ATRNL1: variants seen among roughly 807,000 people sequenced by gnomAD.
The protein encoded by ATRNL1 is attractin like 1, also known as attractin-like protein 1.
A neutral mutation model predicts 182.7 loss-of-function variants in ATRNL1; 95 were observed. The ratio of observed to expected loss-of-function variants is 0.52; its 90% CI spans 0.44 to 0.62. The LOEUF (loss-of-function observed/expected upper bound fraction) is 0.62, where lower values mean the gene tolerates loss of function less well. Ranked by LOEUF, ATRNL1 falls within the 20% of genes least tolerant of loss-of-function variation. The probability of loss-of-function intolerance (pLI) is 0.00; values close to 1 mark genes in which losing one functional copy is unlikely to be tolerated. For synonymous variants in ATRNL1, 576 were observed against 568.3 expected, an observed-to-expected ratio of 1.01 and a Z score of -0.19; for missense variants, 1,471 against 1,679.5, an observed-to-expected ratio of 0.88 and a Z score of 2.17.
At position 115,751,072 on chromosome 10, in the gene ATRNL1, A is replaced by G. The variant is rs187372584; in HGVS notation, c.3903+23717A>G. 1.6e-4 allele frequency among the ~76,000 whole-genome samples: 25 copies of G among 152,170 alleles called. No individual in the cohort carries two copies. The East Asian group carries it at 4.6e-3, about 28-fold the overall frequency. On this transcript the variant is annotated intron_variant, in intron 27 of 28. Coordinates refer to ENST00000355044, the MANE Select transcript of ATRNL1 (RefSeq NM_207303.4). Reference sequence around the variant, plus strand: ...TTATGAGAGATGAAGATTATCCTGGATTACTCAGATGGGCCCAAAGTAATC... The same window carrying G: ...TTATGAGAGATGAAGATTATCCTGGGTTACTCAGATGGGCCCAAAGTAATC...
At chr10:115,629,458 A>G (rs537022059) in intron 26 of ATRNL1, among the ~76,000 whole-genome samples, 2 of 152,290 alleles carry the variant, frequency 1.3e-5, no homozygotes, top group African/African-American at 4.8e-5. Context: ...AAGGATAGGT[A>G]TGCCTAAGTC....
intron 27 of ATRNL1, among the ~76,000 whole-genome samples, chr10:115,783,243 CA>C (rs1949312206): frequency 2.0e-5 from 3 of 151,992 alleles, no homozygotes; most frequent in African/African-American, 4.8e-5. Flanking sequence ...CACACACACA[CA>C]CACACACACA....
At chr10:115,501,692 T>G (rs1849847056) in intron 24 of ATRNL1, among the ~76,000 whole-genome samples, 1 of 152,172 alleles carries the variant, frequency 6.6e-6, no homozygotes, top group South Asian at 2.1e-4. Flanking sequence ...TACTAAATTA[T>G]TAGAAGCTAT....
chr10:115,767,106 C>T (rs149648994), intron 27 of ATRNL1, among the ~76,000 whole-genome samples: 3 of 152,204 alleles, frequency 2.0e-5, no homozygotes, highest in Admixed American at 6.5e-5. Context: ...CACAGTGTCC[C>T]GAGAGTTTTT....
chr10:115,268,544 C>T, intron 13 of ATRNL1, 100 bp downstream of exon 13: 2 of 782,802 alleles, frequency 2.6e-6, no homozygotes, highest in Non-Finnish European at 2.2e-6. Context: ...AAGCACTTTA[C>T]ACATTAAGAC....
chr10:115,723,280 A>G (rs566469010), intron 26 of ATRNL1, among the ~76,000 whole-genome samples: 2 of 152,302 alleles, frequency 1.3e-5, no homozygotes, highest in South Asian at 2.1e-4. Flanking sequence ...AGTAGGAGGT[A>G]TGAAGACAAT....
chr10:115,883,479 C>T (rs1951874344), intron 28 of ATRNL1, among the ~76,000 whole-genome samples: 2 of 152,178 alleles, frequency 1.3e-5, no homozygotes, highest in Non-Finnish European at 2.9e-5. Context: ...TGGAAACAAT[C>T]TAAATAACCA....
chr10:115,753,239 A>G (rs1316514582), intron 27 of ATRNL1, among the ~76,000 whole-genome samples: 2 of 152,080 alleles, frequency 1.3e-5, no homozygotes, highest in Admixed American at 6.6e-5. Context: ...GGTTTGTTAC[A>G]TAGGTATACA....
chr10:115,181,715 GA>G (rs1397221938), intron 8 of ATRNL1, among the ~76,000 whole-genome samples: 16 of 151,724 alleles, frequency 1.1e-4, no homozygotes, highest in Middle Eastern at 3.4e-3. Context: ...ATGCCACAGT[GA>G]AAAAAACTGT....
At chr10:115,271,529 A>G (rs781808681) in intron 13 of ATRNL1, among the ~76,000 whole-genome samples, 18 of 152,158 alleles carry the variant, frequency 1.2e-4, no homozygotes, top group Admixed American at 2.0e-4. Flanking sequence ...TATATACCCA[A>G]AGGATTGTAA....
intron 28 of ATRNL1, among the ~76,000 whole-genome samples, chr10:115,939,224 G>A (rs1555123603): frequency 6.6e-6 from 1 of 152,140 alleles, no homozygotes; most frequent in Non-Finnish European, 1.5e-5. Flanking sequence ...ATTTTCTGAG[G>A]GAATTTCCTA....
At chr10:115,816,362 GA>G (rs1402640617) in intron 27 of ATRNL1, among the ~76,000 whole-genome samples, 2 of 152,132 alleles carry the variant, frequency 1.3e-5, no homozygotes, top group African/African-American at 4.8e-5. Flanking sequence ...TTAAGAATCA[GA>G]TATTGTATAA....
intron 26 of ATRNL1, among the ~76,000 whole-genome samples, chr10:115,674,285 C>T (rs530317123): frequency 5.9e-5 from 9 of 152,132 alleles, no homozygotes; most frequent in Admixed American, 3.9e-4. Context: ...TATGAATAAA[C>T]ATGACATTTC....
At chr10:115,105,835 G>A (rs1214416939) in intron 1 of ATRNL1, among the ~76,000 whole-genome samples, 1 of 152,220 alleles carries the variant, frequency 6.6e-6, no homozygotes, top group East Asian at 1.9e-4. Flanking sequence ...GAAACGCCTG[G>A]ATGTCCAGGC....
At chr10:115,308,774 T>C (rs1299567229) in intron 17 of ATRNL1, among the ~76,000 whole-genome samples, 2 of 152,130 alleles carry the variant, frequency 1.3e-5, no homozygotes, top group African/African-American at 4.8e-5. Flanking sequence ...TTAGGTTCCT[T>C]TTATGTATTT....
At chr10:115,245,756 T>C (rs1006871877) in intron 10 of ATRNL1, among the ~76,000 whole-genome samples, 38 of 152,076 alleles carry the variant, frequency 2.5e-4, no homozygotes, top group African/African-American at 9.2e-4. Context: ...TTTCTGGAGG[T>C]TATTTTATTA....
intron 5 of ATRNL1, among the ~76,000 whole-genome samples, chr10:115,145,481 C>T (rs1845933935): frequency 6.6e-6 from 1 of 151,998 alleles, no homozygotes. Context: ...ACCACTCACA[C>T]AATTCATTGT....
intron 26 of ATRNL1, among the ~76,000 whole-genome samples, chr10:115,687,121 C>T (rs1555046542): frequency 6.6e-6 from 1 of 151,940 alleles, no homozygotes; most frequent in Non-Finnish European, 1.5e-5. Flanking sequence ...TGGAAAATCT[C>T]GTCTCAGCAA....
rs531173252 is a variant in ATRNL1 at position 115,626,825 on chromosome 10, C to T, written c.3795+77289C>T. ...GATTTACATATGAATTCCAGAGTAG[C>T]ATCTGCATATGAGCCATTTCCTAAT... On this transcript the variant is annotated intron_variant, in intron 26 of 28. Coordinates refer to ENST00000355044, the MANE Select transcript of ATRNL1 (RefSeq NM_207303.4). 4.6e-5 allele frequency among the ~76,000 whole-genome samples: 7 copies of T among 152,154 alleles called. No individual in the cohort carries two copies. In the South Asian group the frequency reaches 1.5e-3, roughly 32 times the overall value.
Sources: gnomAD v4.1 joint callset for allele counts (sites outside exome capture counted in the v4.1 genomes callset) on GRCh38, gnomAD v4.1.1 for gene constraint, MANE v1.5 for transcripts, NCBI Gene and HGNC (gene_info 2026-07-23, HGNC 2026-07-21) for gene names.